Variants in SYNPO2 observed in about 807,000 individuals in gnomAD.
SYNPO2 encodes the protein synaptopodin 2, also known as synaptopodin-2.
SYNPO2 carries 56 observed loss-of-function variants against 85.0 expected under a neutral mutation model. The ratio of observed to expected loss-of-function variants is 0.66; its 90% CI spans 0.53 to 0.82. SYNPO2 has a LOEUF of 0.82. Ranked by LOEUF, SYNPO2 falls within the 40% of genes least tolerant of loss-of-function variation. SYNPO2 has a pLI of 0.00. For missense variants in SYNPO2, 1,575 were observed against 1,534.2 expected (o/e 1.03, Z -0.44); for synonymous variants, 602 against 591.1 (o/e 1.02, Z -0.27).
At chr4:118,872,099 A>G (rs1731813779) in intron 1 of SYNPO2, among the ~76,000 whole-genome samples, 2 of 152,204 alleles carry the variant, frequency 1.3e-5, no homozygotes, top group South Asian at 4.1e-4. Context: ...CATTAGCATT[A>G]TTTATTTTAC....
chr4:118,984,833 T>C (rs557186152), intron 1 of SYNPO2, among the ~76,000 whole-genome samples: 3 of 152,322 alleles, frequency 2.0e-5, no homozygotes, highest in African/African-American at 7.2e-5. Flanking sequence ...TTCAATGCAT[T>C]TCACATGATG....
At chr4:119,001,554 G>A (rs1736824025) in intron 1 of SYNPO2, among the ~76,000 whole-genome samples, 1 of 152,082 alleles carries the variant, frequency 6.6e-6, no homozygotes, top group African/African-American at 2.4e-5. Context: ...AAATTCACAG[G>A]TCACTCAAAT....
At chr4:118,881,509 C>T (rs1309062478) in intron 1 of SYNPO2, among the ~76,000 whole-genome samples, 1 of 152,124 alleles carries the variant, frequency 6.6e-6, no homozygotes, top group African/African-American at 2.4e-5. Context: ...CAATCCGTGG[C>T]GTTTGTTATG....
At chr4:118,925,617 C>T (rs1733687966) in intron 1 of SYNPO2, among the ~76,000 whole-genome samples, 2 of 152,120 alleles carry the variant, frequency 1.3e-5, no homozygotes, top group South Asian at 4.1e-4. Context: ...GAACAACATT[C>T]ATTACCTTTA....
chr4:119,037,501 A>C (rs1390909298), intron 4 of SYNPO2: 26 of 1,011,664 alleles, frequency 2.6e-5, no homozygotes, highest in Non-Finnish European at 3.1e-5. Context: ...AAGTCAGAGA[A>C]TCTTTGATAC....
intron 1 of SYNPO2, among the ~76,000 whole-genome samples, chr4:119,010,879 T>A (rs1323414223): frequency 1.3e-5 from 2 of 152,178 alleles, no homozygotes; most frequent in Non-Finnish European, 2.9e-5. Context: ...TTTCCTTACA[T>A]AAGTTCAACA....
intron 1 of SYNPO2, among the ~76,000 whole-genome samples, chr4:118,923,509 T>C (rs1468631839): frequency 6.6e-6 from 1 of 152,028 alleles, no homozygotes; most frequent in Non-Finnish European, 1.5e-5. Flanking sequence ...AATTTACCTA[T>C]ATAACAAACC....
At chr4:118,969,250 A>G (rs1261249243) in intron 1 of SYNPO2, among the ~76,000 whole-genome samples, 1 of 152,200 alleles carries the variant, frequency 6.6e-6, no homozygotes, top group Non-Finnish European at 1.5e-5. Flanking sequence ...CATTTTTCTG[A>G]TATATTAAAT....
chr4:119,035,396 C>T, intron 4 of SYNPO2: 1 of 985,372 alleles, frequency 1.0e-6, no homozygotes, highest in East Asian at 1.1e-4. Context: ...TGAGCATTGC[C>T]ACTTTAATCT....
At position 119,031,028 on chromosome 4, in the gene SYNPO2, C is replaced by G; in HGVS notation, c.2253C>G (p.Ala751=). ...GTAATTTCATGCAAAGCTCCTCTGCCAAACAAAAGACCCCTCCTCCTGTTG... is the reference window on the plus strand; with the variant it reads ...GTAATTTCATGCAAAGCTCCTCTGCGAAACAAAAGACCCCTCCTCCTGTTG... ...EACNFMQSSS[A]KQKTPPPVAP... The change falls in exon 4 of 5, where the codon GCC becomes GCG. Residue 751 remains alanine, a synonymous_variant. Coordinates refer to ENST00000307142, the MANE Select transcript of SYNPO2 (RefSeq NM_133477.3). 4 of 1,614,020 alleles carry G rather than the reference C, an allele frequency of 2.5e-6. No individual in the cohort carries two copies. Among genetic ancestry groups the G allele is most frequent in the Non-Finnish European group, 3.4e-6 (4 of 1,180,008 alleles).
intron 1 of SYNPO2, among the ~76,000 whole-genome samples, chr4:119,021,128 T>C (rs527547554): frequency 2.7e-4 from 41 of 152,312 alleles, no homozygotes; most frequent in Admixed American, 4.6e-4. Context: ...TTCTACAGAT[T>C]GTAATTTATG....
chr4:119,027,190 G>T lies in SYNPO2; in HGVS notation c.821G>T (p.Ser274Ile). 6.2e-7 allele frequency: 1 copy of T among 1,614,192 alleles called. No homozygotes were observed. The highest frequency in any genetic ancestry group is 8.5e-7 in the Non-Finnish European group (1 of 1,180,040). Reference sequence around the variant, plus strand: ...AGAGAGTTGAGAGTGATCCAGGAAAGTGAAGCAGGAGATGCGGGACTGCCC... The same window carrying T: ...AGAGAGTTGAGAGTGATCCAGGAAATTGAAGCAGGAGATGCGGGACTGCCC... ...SGRELRVIQE[S>I]EAGDAGLPRV... Residue 274 changes from serine to isoleucine, a missense_variant, in exon 3 of 5, where the codon AGT becomes ATT. By Grantham distance (142) the Ser-to-Ile change is moderately radical (BLOSUM62 -2). Around this residue, in one of 3 missense-constraint regions of SYNPO2, gnomAD observed 1,508 missense variants for 1,446.8 expected, o/e 1.04. Coordinates refer to ENST00000307142, the MANE Select transcript of SYNPO2 (RefSeq NM_133477.3).
At chr4:118,948,971 T>C (rs976650981) in intron 1 of SYNPO2, among the ~76,000 whole-genome samples, 2 of 152,136 alleles carry the variant, frequency 1.3e-5, no homozygotes, top group African/African-American at 4.8e-5. Context: ...CACTGGAGGG[T>C]TTTAGAATAA....
At chr4:118,911,931 G>A (rs1733152027) in intron 1 of SYNPO2, among the ~76,000 whole-genome samples, 1 of 152,124 alleles carries the variant, frequency 6.6e-6, no homozygotes, top group African/African-American at 2.4e-5. Context: ...CCAATTGACA[G>A]GATCAAGTCT....
At chr4:119,044,902 C>T (rs1377353387) in intron 4 of SYNPO2, among the ~76,000 whole-genome samples, 1 of 152,188 alleles carries the variant, frequency 6.6e-6, no homozygotes, top group Non-Finnish European at 1.5e-5. Flanking sequence ...TGTATAGTTG[C>T]TGTGTCTTCG....
chr4:118,882,716 G>A (rs1357501601), intron 1 of SYNPO2, among the ~76,000 whole-genome samples: 1 of 151,680 alleles, frequency 6.6e-6, no homozygotes, highest in Non-Finnish European at 1.5e-5. Context: ...TTTACTTGTT[G>A]AGCCATTCAA....
intron 1 of SYNPO2, among the ~76,000 whole-genome samples, chr4:118,867,467 C>CTTTCTT (rs1553934197): frequency 3.6e-5 from 5 of 138,436 alleles, no homozygotes; most frequent in African/African-American, 8.0e-5. Context: ...TAGTTTCTTT[C>CTTTCTT]TTTTTTTTTT....
chr4:118,881,166 G>A (rs1732084998), intron 1 of SYNPO2, among the ~76,000 whole-genome samples: 2 of 151,854 alleles, frequency 1.3e-5, no homozygotes, highest in Admixed American at 1.3e-4. Flanking sequence ...GCCGGGTGTA[G>A]TGGCGGGCGC....
At chr4:118,903,634 A>G (rs936449756) in intron 1 of SYNPO2, among the ~76,000 whole-genome samples, 12 of 152,140 alleles carry the variant, frequency 7.9e-5, no homozygotes, top group Non-Finnish European at 1.6e-4. Flanking sequence ...ATTCAGTTTA[A>G]TCAGTTTAAG....
Sources: allele counts gnomAD v4.1 joint callset (sites outside exome capture counted in the v4.1 genomes callset), GRCh38; gene constraint gnomAD v4.1.1; regional missense constraint gnomAD v4.1.1; transcripts MANE v1.5; gene names NCBI Gene and HGNC (gene_info 2026-07-23, HGNC 2026-07-21).